COL9A1: variants seen among roughly 807,000 people sequenced by gnomAD.
The protein encoded by COL9A1 is collagen alpha-1(IX) chain.
A neutral mutation model predicts 142.6 loss-of-function variants in COL9A1; 104 were observed. The ratio of observed to expected loss-of-function variants is 0.73; its 90% CI spans 0.62 to 0.86. COL9A1 has a LOEUF of 0.86. COL9A1 is among the 40% of genes least tolerant of loss of function. The probability of loss-of-function intolerance (pLI) is 0.00; values close to 1 mark genes in which losing one functional copy is unlikely to be tolerated. For missense variants in COL9A1, 1,210 were observed against 1,176.6 expected, an observed-to-expected ratio of 1.03 and a Z score of -0.42; for synonymous variants, 466 against 396.0, an observed-to-expected ratio of 1.18 and a Z score of -2.10.
chr6:70,262,769 C>A (rs561198500), intron 19 of COL9A1, among the ~76,000 whole-genome samples: 2 of 152,142 alleles, frequency 1.3e-5, no homozygotes, highest in East Asian at 1.9e-4. Flanking sequence ...GCACGAGGGA[C>A]CAATTTTTTA....
intron 24 of COL9A1, 90 bp downstream of exon 24, chr6:70,254,873 C>A (rs1771175216): frequency 8.1e-7 from 1 of 1,239,122 alleles, no homozygotes. Context: ...CTAAATAAAT[C>A]TTTTGGTGAT....
At chr6:70,286,462 T>C (rs1178883668) in intron 5 of COL9A1, among the ~76,000 whole-genome samples, 1 of 152,246 alleles carries the variant, frequency 6.6e-6, no homozygotes, top group African/African-American at 2.4e-5. Context: ...GGCTCAGTGT[T>C]AATGAGATTG....
At chr6:70,220,741 G>T (rs1229477169) in intron 37 of COL9A1, among the ~76,000 whole-genome samples, 1 of 152,144 alleles carries the variant, frequency 6.6e-6, no homozygotes, top group Admixed American at 6.5e-5. Context: ...CACAAAATGG[G>T]CATAAATGGT....
intron 37 of COL9A1, among the ~76,000 whole-genome samples, chr6:70,222,524 C>T (rs1768944320): frequency 1.3e-5 from 2 of 152,118 alleles, no homozygotes; most frequent in African/African-American, 2.4e-5. Context: ...ATAATAATAA[C>T]CTGTGTTCCA....
intron 30 of COL9A1, 89 bp from the exon 31 acceptor site, chr6:70,241,543 A>G (rs1562296961): frequency 1.9e-6 from 2 of 1,052,094 alleles, no homozygotes; most frequent in East Asian, 5.1e-5. Context: ...GGATAAGCAC[A>G]AGTACGGATA....
intron 5 of COL9A1, among the ~76,000 whole-genome samples, chr6:70,291,865 A>C (rs1465214366): frequency 6.6e-6 from 1 of 152,142 alleles, no homozygotes; most frequent in East Asian, 1.9e-4. Context: ...GCCTAACACT[A>C]TTTCTTACAA....
downstream of COL9A1, chr6:70,215,471 T>C (rs1281618876): frequency 6.6e-6 from 1 of 152,248 alleles, no homozygotes; most frequent in East Asian, 1.9e-4. Context: ...GATACTATGT[T>C]GAGCTATTGT....
chr6:70,249,604 A>T (rs1770808595), intron 28 of COL9A1, among the ~76,000 whole-genome samples: 3 of 152,228 alleles, frequency 2.0e-5, no homozygotes, highest in Admixed American at 6.5e-5. Flanking sequence ...TATTTGTGAT[A>T]GGAAATGTGA....
chr6:70,254,658 A>C, intron 24 of COL9A1, 129 bp from the exon 25 acceptor site: 2 of 842,906 alleles, frequency 2.4e-6, no homozygotes, highest in Admixed American at 4.1e-5. Flanking sequence ...GCACTTTTAT[A>C]AAGTGACTTA....
chr6:70,283,884 G>A (rs1279045601), intron 5 of COL9A1, 64 bp from the exon 6 acceptor site: 3 of 1,156,614 alleles, frequency 2.6e-6, no homozygotes, highest in South Asian at 2.6e-5. Flanking sequence ...TCATTCAAGA[G>A]AGAGATGAGT....
intron 10 of COL9A1, among the ~76,000 whole-genome samples, chr6:70,279,222 C>A (rs1445828951): frequency 6.6e-6 from 1 of 152,114 alleles, no homozygotes; most frequent in African/African-American, 2.4e-5. Flanking sequence ...TTGTCAGACT[C>A]TTTTTATTAT....
intron 6 of COL9A1, chr6:70,283,294 C>T: frequency 7.3e-7 from 1 of 1,377,790 alleles, no homozygotes. Flanking sequence ...AGAATGACAA[C>T]AGTCGCCCTT....
In COL9A1 at chr6:70,294,243, TTTATAGG is replaced by T; in HGVS notation, c.613_619del (p.Pro205SerfsTer33). On this transcript the variant is annotated frameshift_variant, in exon 5 of 38. Transcript: ENST00000357250. LOFTEE classifies it high-confidence loss of function. The stretch of plus-strand genomic sequence containing the variant: ...ATCAATGTCAATTGGGCCTCTTGGC[TTTATAGG>T]TAAAGATTCAATCCTGTTGCAGTCA... 1.2e-6 allele frequency: 2 copies of T among 1,614,110 alleles called. No homozygotes were observed. The highest frequency in any genetic ancestry group is 1.7e-6 in the Non-Finnish European group (2 of 1,179,980).
intron 36 of COL9A1, among the ~76,000 whole-genome samples, chr6:70,228,747 C>T (rs1349364990): frequency 1.3e-5 from 2 of 152,064 alleles, no homozygotes; most frequent in Non-Finnish European, 2.9e-5. Flanking sequence ...CATTTCAAAA[C>T]AATTTAAATT....
At position 70,302,916 on chromosome 6, in the gene COL9A1, G is replaced by C; in HGVS notation, c.9C>G (p.Thr3=). MK[T]CWKIPVFFFV... ...TTCCAGGGTTATTGTCTTACCAGCA[G>C]GTCTTCATTTTCCCAGTTGATTTTC... Residue 3 remains threonine (T), a synonymous_variant, in exon 1 of 38, where the codon ACC becomes ACG. Coordinates refer to ENST00000357250, the MANE Select transcript of COL9A1 (RefSeq NM_001851.6). 3 of 1,614,000 alleles carry C rather than the reference G, an allele frequency of 1.9e-6. No homozygotes were observed. The South Asian group carries it at 3.3e-5, about 18-fold the overall frequency.
At chr6:70,242,948 A>G (rs889572181) in intron 28 of COL9A1, among the ~76,000 whole-genome samples, 2 of 152,242 alleles carry the variant, frequency 1.3e-5, no homozygotes, top group Non-Finnish European at 2.9e-5. Context: ...TGAAATGGCA[A>G]TTAGTCACTT....
In COL9A1 at chr6:70,302,987, A is replaced by G. The variant is rs1774130159; in HGVS notation, c.-63T>C. Reference sequence around the variant, plus strand: ...ATGAAGAAGGGGTTGGAAGGGAGTCACTGTCCCCTCACGACCCCTTCACTG... The same window carrying G: ...ATGAAGAAGGGGTTGGAAGGGAGTCGCTGTCCCCTCACGACCCCTTCACTG... On this transcript the variant is annotated 5_prime_UTR_variant, in exon 1 of 38. Coordinates refer to ENST00000357250, the MANE Select transcript of COL9A1 (RefSeq NM_001851.6). The G allele has an allele frequency of 1.3e-6, 2 of 1,547,304 alleles. No homozygotes were observed. The highest frequency in any genetic ancestry group is 1.8e-6 in the Non-Finnish European group (2 of 1,119,322).
chr6:70,290,913 A>G (rs76360246), intron 5 of COL9A1, among the ~76,000 whole-genome samples: 2 of 152,220 alleles, frequency 1.3e-5, no homozygotes, highest in East Asian at 3.9e-4. Flanking sequence ...TTTCATTTAA[A>G]ATTTCTAACA....
At chr6:70,255,054 C>T in intron 23 of COL9A1, 38 bp from the exon 24 acceptor site, 1 of 1,613,380 alleles carries the variant, frequency 6.2e-7, no homozygotes, top group Non-Finnish European at 8.5e-7. Context: ...CTCTTACACA[C>T]AGTCACATTC....
Sources: gnomAD v4.1 joint callset for allele counts (sites outside exome capture counted in the v4.1 genomes callset) on GRCh38, gnomAD v4.1.1 for gene constraint, MANE v1.5 for transcripts, NCBI Gene and HGNC (gene_info 2026-07-23, HGNC 2026-07-21) for gene names.